DACH1: variants seen among roughly 807,000 people sequenced by gnomAD.
The protein encoded by DACH1 is dachshund family transcription factor 1.
A neutral mutation model predicts 54.2 loss-of-function variants in DACH1; 12 were observed. That is an observed-to-expected ratio of 0.22 (90% confidence interval 0.14 to 0.36). The LOEUF (loss-of-function observed/expected upper bound fraction) is 0.36. Ranked by LOEUF, DACH1 falls within the 10% of genes least tolerant of loss-of-function variation. DACH1 has a pLI of 1.00. For synonymous variants in DACH1, 386 were observed against 366.2 expected, an observed-to-expected ratio of 1.05 and a Z score of -0.62; for missense variants, 805 against 929.8, an observed-to-expected ratio of 0.87 and a Z score of 1.75.
intron 6 of DACH1, among the ~76,000 whole-genome samples, chr13:71,498,602 A>C (rs1879640150): frequency 6.6e-6 from 1 of 151,592 alleles, no homozygotes; most frequent in East Asian, 2.0e-4. Context: ...CCTGGTGCTT[A>C]TTTAGAAAAA....
intron 1 of DACH1, among the ~76,000 whole-genome samples, chr13:71,857,617 T>A (rs1594309299): frequency 6.6e-6 from 1 of 151,844 alleles, no homozygotes; most frequent in Non-Finnish European, 1.5e-5. Context: ...AAACTACTGA[T>A]AAAAATTTTA....
intron 7 of DACH1, 142 bp downstream of exon 7, chr13:71,488,855 A>G (rs1298107324): frequency 1.7e-6 from 1 of 591,366 alleles, no homozygotes; most frequent in African/African-American, 1.9e-5. Flanking sequence ...TAACAGGTTT[A>G]AAATCTAAGT....
chr13:71,781,536 G>A (rs887141715), intron 1 of DACH1, among the ~76,000 whole-genome samples: 1 of 151,670 alleles, frequency 6.6e-6, no homozygotes, highest in African/African-American at 2.4e-5. Flanking sequence ...CCGCCAAAGC[G>A]CCCGGCTAAT....
chr13:71,636,448 T>C (rs1436459044), intron 2 of DACH1, among the ~76,000 whole-genome samples: 1 of 151,984 alleles, frequency 6.6e-6, no homozygotes, highest in Non-Finnish European at 1.5e-5. Flanking sequence ...GTTAAACTAC[T>C]TTGATTAGCT....
At chr13:71,842,628 G>A (rs1194613105) in intron 1 of DACH1, among the ~76,000 whole-genome samples, 1 of 151,788 alleles carries the variant, frequency 6.6e-6, no homozygotes, top group Non-Finnish European at 1.5e-5. Flanking sequence ...GCAGAGTAAT[G>A]TGACAAGTAG....
chr13:71,855,344 C>A (rs1873933537), intron 1 of DACH1, among the ~76,000 whole-genome samples: 1 of 151,980 alleles, frequency 6.6e-6, no homozygotes, highest in Non-Finnish European at 1.5e-5. Flanking sequence ...GCCTTACCAT[C>A]TATAAGATGT....
At chr13:71,756,053 C>T (rs1439271875) in intron 1 of DACH1, among the ~76,000 whole-genome samples, 2 of 151,284 alleles carry the variant, frequency 1.3e-5, no homozygotes, top group South Asian at 2.1e-4. Context: ...TCTTTTAAGA[C>T]GAAGTCTCAC....
chr13:71,518,816 G>C (rs1421230213), intron 6 of DACH1, among the ~76,000 whole-genome samples: 1 of 151,728 alleles, frequency 6.6e-6, no homozygotes, highest in Non-Finnish European at 1.5e-5. Context: ...TGGACCATAG[G>C]TCAGATCCAA....
intron 1 of DACH1, among the ~76,000 whole-genome samples, chr13:71,758,723 C>T (rs116240434): frequency 0.024 from 3,627 of 152,136 alleles, 137 homozygotes; most frequent in African/African-American, 0.081. Context: ...AAGTTAACAA[C>T]AAATAAATGA....
chr13:71,570,344 C>T (rs892420640), intron 4 of DACH1, among the ~76,000 whole-genome samples: 5 of 152,020 alleles, frequency 3.3e-5, no homozygotes, highest in Non-Finnish European at 5.9e-5. Flanking sequence ...GTGTCAAATT[C>T]GAAGCTATAC....
chr13:71,763,429 C>T (rs1885484202), intron 1 of DACH1, among the ~76,000 whole-genome samples: 1 of 152,094 alleles, frequency 6.6e-6, no homozygotes, highest in South Asian at 2.1e-4. Flanking sequence ...ATGCTCAAAC[C>T]CCATGATAAT....
At chr13:71,679,628 T>C (rs1373168723) in intron 2 of DACH1, among the ~76,000 whole-genome samples, 1 of 151,828 alleles carries the variant, frequency 6.6e-6, no homozygotes, top group Non-Finnish European at 1.5e-5. Context: ...CATTGAGAGA[T>C]TAATTATGTC....
chr13:71,614,736 C>T (rs1346045704), intron 3 of DACH1, among the ~76,000 whole-genome samples: 1 of 151,782 alleles, frequency 6.6e-6, no homozygotes, highest in Non-Finnish European at 1.5e-5. Context: ...TGCCTGTAGT[C>T]CCAGCTACTC....
intron 3 of DACH1, among the ~76,000 whole-genome samples, chr13:71,598,478 C>T (rs1447360814): frequency 6.6e-6 from 1 of 152,140 alleles, no homozygotes; most frequent in African/African-American, 2.4e-5. Context: ...TGGTCTCGAA[C>T]TCCTGACCCC....
chr13:71,452,530 T>C (rs1875163520), intron 10 of DACH1, among the ~76,000 whole-genome samples: 1 of 152,196 alleles, frequency 6.6e-6, no homozygotes, highest in Non-Finnish European at 1.5e-5. Flanking sequence ...TAGTTAAAGA[T>C]TTACCCTTTC....
intron 1 of DACH1, among the ~76,000 whole-genome samples, chr13:71,764,627 G>A (rs969414198): frequency 1.1e-4 from 17 of 152,154 alleles, no homozygotes; most frequent in Middle Eastern, 3.4e-3. Flanking sequence ...TATAAGTCTC[G>A]TAAGTTTTCA....
At chr13:71,686,940 C>T (rs1406711086) in intron 1 of DACH1, among the ~76,000 whole-genome samples, 8 of 152,170 alleles carry the variant, frequency 5.3e-5, no homozygotes, top group African/African-American at 2.4e-5. Flanking sequence ...AATAAAGACA[C>T]AAGCCCTTCT....
chr13:71,580,193 GT>G (rs984770398), intron 3 of DACH1, among the ~76,000 whole-genome samples: 1 of 152,170 alleles, frequency 6.6e-6, no homozygotes, highest in Non-Finnish European at 1.5e-5. Context: ...TATTCATACA[GT>G]TCTTCAAAAT....
At chr13:71,743,547 T>C (rs188767034) in intron 1 of DACH1, among the ~76,000 whole-genome samples, 3 of 152,260 alleles carry the variant, frequency 2.0e-5, no homozygotes, top group Admixed American at 6.5e-5. Context: ...ATGGAGAGGG[T>C]TTCAGTATCT....
Sources: allele counts gnomAD v4.1 joint callset (sites outside exome capture counted in the v4.1 genomes callset), GRCh38; gene constraint gnomAD v4.1.1; transcripts MANE v1.5; gene names NCBI Gene and HGNC (gene_info 2026-07-23, HGNC 2026-07-21).